The following OPCML variants were observed in gnomAD, a reference collection of about 807,000 sequenced individuals.
The protein encoded by OPCML is opioid-binding protein/cell adhesion molecule.
A neutral mutation model predicts 37.8 loss-of-function variants in OPCML; 13 were observed. The observed-to-expected ratio is 0.34, with a 90% CI of 0.22 to 0.55. The LOEUF is 0.55. Among genes scored for constraint, OPCML ranks in the 20% least tolerant of loss-of-function variants. OPCML has a pLI of 0.91. For missense variants in OPCML, 341 were observed against 435.6 expected, an observed-to-expected ratio of 0.78 and a Z score of 1.93; for synonymous variants, 176 against 168.8, an observed-to-expected ratio of 1.04 and a Z score of -0.33.
intron 1 of OPCML, among the ~76,000 whole-genome samples, chr11:133,415,303 G>A (rs911267541): frequency 2.7e-5 from 4 of 149,554 alleles, no homozygotes; most frequent in Admixed American, 6.6e-5. Context: ...CCAGCTACTC[G>A]GGAGGCTGAG....
chr11:133,373,448 T>TATATATATATACAC (rs966091785), intron 1 of OPCML, among the ~76,000 whole-genome samples: 5 of 132,178 alleles, frequency 3.8e-5, no homozygotes, highest in African/African-American at 1.6e-4. Flanking sequence ...TATATATATA[T>TATATATATATACAC]ACACACACAC....
intron 4 of OPCML, among the ~76,000 whole-genome samples, chr11:132,516,429 C>A (rs2096279891): frequency 6.6e-6 from 1 of 151,996 alleles, no homozygotes; most frequent in Non-Finnish European, 1.5e-5. Flanking sequence ...TTTTCTCTGG[C>A]ACGCTACAGG....
rs1244737243 is a variant in OPCML, at chr11:132,943,936, G to T, written c.62-926C>A. Among the ~76,000 whole-genome samples, 3 of 151,860 alleles carry T rather than the reference G, an allele frequency of 2.0e-5. No individual in the cohort carries two copies. Among genetic ancestry groups the T allele is most frequent in the Admixed American group, 2.0e-4 (3 of 15,238 alleles). On this transcript the variant is annotated intron_variant, in intron 1 of 7. Coordinates refer to ENST00000524381, the MANE Select transcript of OPCML (RefSeq NM_001012393.5). The surrounding 1 kb of genome is among the most constrained non-coding windows in gnomAD (Gnocchi z 4.3). ...ACGCGCGCGGGCCCGGACCGCCGGG[G>T]TTGTCATGGCAGCAGCTCCATCCCT... is the stretch of plus-strand genomic sequence containing the variant.
intron 1 of OPCML, among the ~76,000 whole-genome samples, chr11:133,195,450 T>A (rs191118155): frequency 1.2e-4 from 18 of 152,228 alleles, no homozygotes; most frequent in African/African-American, 4.3e-4. Flanking sequence ...CGGAACCTCA[T>A]TCTGACTTTG....
At chr11:132,430,681 A>C (rs896620393) in intron 7 of OPCML, among the ~76,000 whole-genome samples, 1 of 152,080 alleles carries the variant, frequency 6.6e-6, no homozygotes, top group African/African-American at 2.4e-5. Flanking sequence ...CTTAACTCTT[A>C]ATGTAACTGA....
At chr11:133,269,530 C>A (rs1401636942) in intron 1 of OPCML, among the ~76,000 whole-genome samples, 2 of 152,192 alleles carry the variant, frequency 1.3e-5, no homozygotes, top group Admixed American at 6.5e-5. Flanking sequence ...CTTTATTACT[C>A]ATTTATTGAC....
intron 1 of OPCML, among the ~76,000 whole-genome samples, chr11:133,284,904 G>A (rs1044050625): frequency 1.3e-5 from 2 of 151,942 alleles, no homozygotes; most frequent in African/African-American, 4.8e-5. Context: ...ACCCCAAATG[G>A]AAAAAGGTAG....
intron 1 of OPCML, among the ~76,000 whole-genome samples, chr11:133,344,097 G>A (rs969355432): frequency 6.6e-6 from 1 of 152,152 alleles, no homozygotes; most frequent in African/African-American, 2.4e-5. Context: ...TGTGGTGTAG[G>A]GTGAGTGCCC....
intron 1 of OPCML, among the ~76,000 whole-genome samples, chr11:133,433,612 C>G (rs1946172163): frequency 6.6e-6 from 1 of 152,148 alleles, no homozygotes; most frequent in Non-Finnish European, 1.5e-5. Context: ...GACATGGGAG[C>G]CACACAGGAG....
chr11:133,363,048 C>T (rs534852333), intron 1 of OPCML, among the ~76,000 whole-genome samples: 2 of 152,248 alleles, frequency 1.3e-5, no homozygotes, highest in South Asian at 4.1e-4. Flanking sequence ...GCCAGCCAGG[C>T]ATGACAAGAA....
chr11:133,465,430 G>A (rs1023290653), intron 1 of OPCML, among the ~76,000 whole-genome samples: 12 of 152,156 alleles, frequency 7.9e-5, no homozygotes, highest in African/African-American at 2.2e-4. Flanking sequence ...GTGGTGGAAT[G>A]GGCATTATTC....
chr11:133,371,756 C>G (rs1944680220), intron 1 of OPCML, among the ~76,000 whole-genome samples: 1 of 152,150 alleles, frequency 6.6e-6, no homozygotes, highest in African/African-American at 2.4e-5. Context: ...TTCTTTATGG[C>G]AGTGTGAAAT....
At chr11:132,966,198 T>C (rs1347835416) in intron 1 of OPCML, among the ~76,000 whole-genome samples, 1 of 152,148 alleles carries the variant, frequency 6.6e-6, no homozygotes, top group Non-Finnish European at 1.5e-5. Flanking sequence ...AGCAATGCTT[T>C]AACTGTGTTT....
At chr11:133,202,167 C>T (rs77506153) in intron 1 of OPCML, among the ~76,000 whole-genome samples, 1,661 of 152,252 alleles carry the variant, frequency 0.011, 27 homozygotes, top group African/African-American at 0.038. Flanking sequence ...GCCGAGGTAA[C>T]GTTGCCCAGA....
At chr11:132,548,775 C>T (rs1158144896) in intron 3 of OPCML, among the ~76,000 whole-genome samples, 1 of 152,202 alleles carries the variant, frequency 6.6e-6, no homozygotes, top group African/African-American at 2.4e-5. Flanking sequence ...CAGATAGGTG[C>T]CTCCTTGACA....
At chr11:133,388,276 G>T (rs1373567051) in intron 1 of OPCML, among the ~76,000 whole-genome samples, 1 of 152,164 alleles carries the variant, frequency 6.6e-6, no homozygotes, top group Admixed American at 6.6e-5. Context: ...GACACACATG[G>T]TGTAACTATT....
At chr11:133,169,640 A>G (rs1351757943) in intron 1 of OPCML, among the ~76,000 whole-genome samples, 1 of 152,220 alleles carries the variant, frequency 6.6e-6, no homozygotes, top group African/African-American at 2.4e-5. Context: ...GATCATTTCA[A>G]TGTTCAGTTA....
At chr11:132,957,148 A>C (rs1388080770) in intron 1 of OPCML, among the ~76,000 whole-genome samples, 1 of 152,184 alleles carries the variant, frequency 6.6e-6, no homozygotes, top group African/African-American at 2.4e-5. Flanking sequence ...AACCAAAACC[A>C]AAACAAAACA....
intron 3 of OPCML, among the ~76,000 whole-genome samples, chr11:132,588,968 G>A (rs2096479200): frequency 6.6e-6 from 1 of 152,152 alleles, no homozygotes; most frequent in Non-Finnish European, 1.5e-5. Context: ...ATGCAACACT[G>A]AGAAATAAAC....
Sources: gnomAD v4.1 joint callset for allele counts (sites outside exome capture counted in the v4.1 genomes callset) on GRCh38, gnomAD v4.1.1 for gene constraint, Gnocchi (gnomAD v3.1) non-coding constraint, MANE v1.5 for transcripts, NCBI Gene and HGNC (gene_info 2026-07-23, HGNC 2026-07-21) for gene names.